PTPRK: variants seen among roughly 807,000 people sequenced by gnomAD.
PTPRK encodes receptor-type tyrosine-protein phosphatase kappa.
Under a neutral mutation model 178.0 loss-of-function variants are expected in PTPRK, and 75 were observed. The ratio of observed to expected loss-of-function variants is 0.42; its 90% CI spans 0.35 to 0.51. PTPRK has a LOEUF of 0.51. Among genes scored for constraint, PTPRK ranks in the 20% least tolerant of loss-of-function variants. The probability of loss-of-function intolerance (pLI) is 0.02; values close to 1 mark genes in which losing one functional copy is unlikely to be tolerated. For missense variants in PTPRK, 1,441 were observed against 1,797.8 expected, an observed-to-expected ratio of 0.80 and a Z score of 3.59; for synonymous variants, 637 against 620.6, an observed-to-expected ratio of 1.03 and a Z score of -0.39.
intron 5 of PTPRK, among the ~76,000 whole-genome samples, chr6:128,235,154 A>G (rs1285145052): frequency 6.6e-6 from 1 of 152,198 alleles, no homozygotes; most frequent in African/African-American, 2.4e-5. Flanking sequence ...ATGTATTGAT[A>G]ATAATTTGAT....
chr6:128,228,504 A>T (rs1438225717), intron 5 of PTPRK, among the ~76,000 whole-genome samples: 6 of 150,854 alleles, frequency 4.0e-5, no homozygotes, highest in Non-Finnish European at 7.4e-5. Flanking sequence ...AAAAAAAAAA[A>T]AAAAATTTAG....
chr6:128,268,082 G>A (rs2128296170), intron 3 of PTPRK, among the ~76,000 whole-genome samples: 1 of 152,108 alleles, frequency 6.6e-6, no homozygotes, highest in South Asian at 2.1e-4. Flanking sequence ...ACAGAATAGG[G>A]AGGAATGGGA....
At chr6:128,226,761 CATATATATATATATATATATATAT>C (rs71028117) in intron 5 of PTPRK, among the ~76,000 whole-genome samples, 14 of 109,540 alleles carry the variant, frequency 1.3e-4, no homozygotes, top group South Asian at 6.5e-4. Context: ...ATTATATAGA[CATATATATATATATATATATATAT>C]ATATATATAT....
chr6:128,109,659 T>C (rs945776424), intron 7 of PTPRK, among the ~76,000 whole-genome samples: 31 of 152,322 alleles, frequency 2.0e-4, no homozygotes, highest in African/African-American at 7.2e-4. Context: ...CATTCATACC[T>C]AGAGCTCAGT....
chr6:128,224,955 T>C (rs1811027228), intron 5 of PTPRK, among the ~76,000 whole-genome samples: 1 of 152,190 alleles, frequency 6.6e-6, no homozygotes, highest in African/African-American at 2.4e-5. Context: ...TAGAGCCCAA[T>C]TCTCTTTGGA....
At chr6:128,000,000 A>C (rs935948827) in intron 15 of PTPRK, 3 of 939,560 alleles carry the variant, frequency 3.2e-6, no homozygotes, top group Non-Finnish European at 3.8e-6. Flanking sequence ...TATGAAGAAT[A>C]AACAGTACTT....
intron 3 of PTPRK, among the ~76,000 whole-genome samples, chr6:128,279,003 G>T (rs576608337): frequency 1.3e-5 from 2 of 152,056 alleles, no homozygotes; most frequent in Admixed American, 6.6e-5. Context: ...AGGGATGGGG[G>T]TAGAATCCAG....
intron 2 of PTPRK, among the ~76,000 whole-genome samples, chr6:128,389,200 T>C (rs1839194904): frequency 6.6e-6 from 1 of 152,076 alleles, no homozygotes; most frequent in East Asian, 1.9e-4. Flanking sequence ...TAGAGGTCTT[T>C]ACAACATACC....
At chr6:128,409,829 C>T (rs1211405162) in intron 1 of PTPRK, among the ~76,000 whole-genome samples, 1 of 152,150 alleles carries the variant, frequency 6.6e-6, no homozygotes. Context: ...TGACTTGCTC[C>T]TCCTTGCCTT....
chr6:128,287,046 C>T (rs1203805773), intron 3 of PTPRK, among the ~76,000 whole-genome samples: 1 of 152,084 alleles, frequency 6.6e-6, no homozygotes, highest in Non-Finnish European at 1.5e-5. Context: ...GAAATGATCC[C>T]TCTGTTAATC....
At chr6:128,481,268 T>C (rs764560727) in intron 1 of PTPRK, among the ~76,000 whole-genome samples, 1 of 152,180 alleles carries the variant, frequency 6.6e-6, no homozygotes, top group Non-Finnish European at 1.5e-5. Flanking sequence ...TTATTTAGGT[T>C]CAACTGTTAA....
At position 128,332,805 on chromosome 6, in the gene PTPRK, C is replaced by T. The variant is rs962614910; in HGVS notation, c.224-10495G>A. 3.3e-5 allele frequency among the ~76,000 whole-genome samples: 5 copies of T among 152,146 alleles called. No individual in the cohort carries two copies. The East Asian group carries it at 7.7e-4, about 23-fold the overall frequency. On this transcript the variant is annotated intron_variant, in intron 2 of 29. Coordinates refer to ENST00000368226, the MANE Select transcript of PTPRK (RefSeq NM_002844.4). ...TTCCTCTATAACCCTCCCTCTCTCA[C>T]TCTTTCTTTGAAATCTGAAGTAAAT...
intron 5 of PTPRK, among the ~76,000 whole-genome samples, chr6:128,224,496 T>A (rs1371223190): frequency 6.6e-6 from 1 of 152,206 alleles, no homozygotes; most frequent in African/African-American, 2.4e-5. Context: ...CACCTTGCCA[T>A]GTGGTCTACA....
intron 1 of PTPRK, among the ~76,000 whole-genome samples, chr6:128,418,155 A>C (rs1438451185): frequency 6.6e-6 from 1 of 152,236 alleles, no homozygotes; most frequent in Admixed American, 6.5e-5. Context: ...AAAATCCATT[A>C]GGTGTTAATT....
At chr6:128,282,135 T>C (rs1193205753) in intron 3 of PTPRK, among the ~76,000 whole-genome samples, 1 of 152,172 alleles carries the variant, frequency 6.6e-6, no homozygotes, top group Non-Finnish European at 1.5e-5. Flanking sequence ...CTTAGGACTA[T>C]ACATGGCTGT....
Position 128,101,882 on chromosome 6 carries a change from C to G in PTPRK, c.1163-11890G>C, listed in dbSNP as rs141487561. On this transcript the variant is annotated intron_variant, in intron 7 of 29. Coordinates refer to ENST00000368226, the MANE Select transcript of PTPRK (RefSeq NM_002844.4). The stretch of plus-strand genomic sequence containing the variant: ...CACTATTGATCTCCCTATTGAAACA[C>G]TTCAATGTAGAGTTGGAATATACTA... 7.3e-4 allele frequency among the ~76,000 whole-genome samples: 111 copies of G among 152,290 alleles called. No individual in the cohort carries two copies. The East Asian group carries it at 9.2e-3, about 13-fold the overall frequency.
Position 128,012,887 on chromosome 6 carries a change from T to A in PTPRK, c.2195-3619A>T, listed in dbSNP as rs1022198259. ...TTCAGAGACATTATTGTCACTCAAA[T>A]TCTGCAAATCCTCCCGGCATTTCAT... On this transcript the variant is annotated intron_variant, in intron 13 of 29. Transcript: ENST00000368226. 2.6e-5 allele frequency among the ~76,000 whole-genome samples: 4 copies of A among 151,372 alleles called. No homozygotes were observed. The Admixed American group carries it at 2.7e-4, about 10-fold the overall frequency.
chr6:128,454,779 A>T (rs182688519), intron 1 of PTPRK, among the ~76,000 whole-genome samples: 52 of 152,188 alleles, frequency 3.4e-4, no homozygotes, highest in African/African-American at 1.1e-3. Flanking sequence ...ATCCTTGAAT[A>T]TTTCTTGTAA....
chr6:128,252,437 T>C (rs931140853), intron 3 of PTPRK, among the ~76,000 whole-genome samples: 1 of 152,212 alleles, frequency 6.6e-6, no homozygotes, highest in Non-Finnish European at 1.5e-5. Context: ...CAGGTTTATA[T>C]GTATCAAAAA....
Sources: gnomAD v4.1 joint callset for allele counts (sites outside exome capture counted in the v4.1 genomes callset) on GRCh38, gnomAD v4.1.1 for gene constraint, MANE v1.5 for transcripts, NCBI Gene and HGNC (gene_info 2026-07-23, HGNC 2026-07-21) for gene names.